The following NTRK3 variants were observed in gnomAD, a reference collection of about 807,000 sequenced individuals.
The protein encoded by NTRK3 is neurotrophic receptor tyrosine kinase 3.
A neutral mutation model predicts 91.7 loss-of-function variants in NTRK3; 24 were observed. That is an observed-to-expected ratio of 0.26 (90% CI 0.19 to 0.37). NTRK3 has a LOEUF of 0.37. Among genes scored for constraint, NTRK3 ranks in the 10% least tolerant of loss-of-function variants. The pLI is 1.00. For missense variants in NTRK3, 880 were observed against 1,068.9 expected, an observed-to-expected ratio of 0.82 and a Z score of 2.46; for synonymous variants, 483 against 404.0, an observed-to-expected ratio of 1.20 and a Z score of -2.34.
chr15:88,215,495 G>A (rs1005259075), intron 3 of NTRK3, among the ~76,000 whole-genome samples: 2 of 152,226 alleles, frequency 1.3e-5, no homozygotes, highest in African/African-American at 4.8e-5. Flanking sequence ...TGTGTCCTGC[G>A]ATGCCAGGAG....
intron 3 of NTRK3, among the ~76,000 whole-genome samples, chr15:88,218,158 G>A (rs867722076): frequency 5.3e-5 from 8 of 152,128 alleles, no homozygotes; most frequent in African/African-American, 1.9e-4. Context: ...GCCTGACTAC[G>A]TCCCTGGGCA....
intron 14 of NTRK3, among the ~76,000 whole-genome samples, chr15:87,994,453 A>C (rs1279229786): frequency 6.6e-6 from 1 of 152,222 alleles, no homozygotes; most frequent in African/African-American, 2.4e-5. Context: ...AGATCTGCAT[A>C]ATGTGTCTAC....
At chr15:87,865,997 CTG>C (rs2064665625) in exon 19 of NTRK3, 2 of 231,458 alleles carry the variant, frequency 8.6e-6, no homozygotes, top group Non-Finnish European at 1.7e-5. Flanking sequence ...CCCAGCAAGA[CTG>C]TATGCAACTG....
intron 3 of NTRK3, among the ~76,000 whole-genome samples, chr15:88,230,243 G>A (rs896778357): frequency 5.9e-5 from 9 of 152,352 alleles, no homozygotes; most frequent in Admixed American, 5.9e-4. Flanking sequence ...TCTTCCTATT[G>A]TTGTCAGTCA....
Position 88,038,014 on chromosome 15 carries a change from G to C in NTRK3, c.1397-4969C>G, listed in dbSNP as rs749969881. On this transcript the variant is annotated intron_variant, in intron 13 of 18. Coordinates refer to ENST00000394480, the Ensembl canonical transcript of NTRK3. Reference sequence around the variant, plus strand: ...AACCCTCCACCAGCACTGCCTCCCTGAAAGTGCAGACTGTGGGGGAAAGAA... The same window carrying C: ...AACCCTCCACCAGCACTGCCTCCCTCAAAGTGCAGACTGTGGGGGAAAGAA... 7.3e-4 allele frequency among the ~76,000 whole-genome samples: 111 copies of C among 152,206 alleles called. 1 individual carries two copies. Among genetic ancestry groups the C allele is most frequent in the Non-Finnish European group, 8.5e-4 (58 of 68,034 alleles).
chr15:88,105,596 G>C (rs905116665), intron 13 of NTRK3, among the ~76,000 whole-genome samples: 2 of 152,122 alleles, frequency 1.3e-5, no homozygotes, highest in African/African-American at 2.4e-5. Flanking sequence ...TTTACCAGCA[G>C]GGCTATATCT....
chr15:88,224,924 C>T (rs1338963443), intron 3 of NTRK3, among the ~76,000 whole-genome samples: 1 of 152,234 alleles, frequency 6.6e-6, no homozygotes, highest in Admixed American at 6.5e-5. Context: ...AGCAGGGTGT[C>T]ACTAGTGCAG....
intron 9 of NTRK3, 22 bp downstream of exon 9, chr15:88,135,877 C>T (rs1055560835): frequency 1.2e-6 from 2 of 1,613,630 alleles, no homozygotes. Context: ...CACAGCCATC[C>T]CCCACAATAA....
At chr15:88,250,515 C>T (rs1026861399) in intron 3 of NTRK3, among the ~76,000 whole-genome samples, 2 of 152,220 alleles carry the variant, frequency 1.3e-5, no homozygotes, top group Non-Finnish European at 1.5e-5. Flanking sequence ...ACTAGACCAT[C>T]GTTTCATAAG....
At chr15:88,191,724 C>T (rs2047412871) in intron 3 of NTRK3, among the ~76,000 whole-genome samples, 1 of 152,258 alleles carries the variant, frequency 6.6e-6, no homozygotes, top group South Asian at 2.1e-4. Context: ...ATCCAGACAG[C>T]AACATTAGCT....
At chr15:88,129,170 C>T (rs145084664) in intron 10 of NTRK3, among the ~76,000 whole-genome samples, 1 of 152,338 alleles carries the variant, frequency 6.6e-6, no homozygotes, top group African/African-American at 2.4e-5. Flanking sequence ...AAGTAATATG[C>T]AGAGTTGATT....
At chr15:88,142,184 T>A (rs554238436) in intron 6 of NTRK3, among the ~76,000 whole-genome samples, 9 of 152,278 alleles carry the variant, frequency 5.9e-5, no homozygotes, top group African/African-American at 2.2e-4. Flanking sequence ...CCATCCTGTG[T>A]CCCTCCTCCC....
chr15:88,212,419 T>C (rs1446652359), intron 3 of NTRK3, among the ~76,000 whole-genome samples: 1 of 152,194 alleles, frequency 6.6e-6, no homozygotes, highest in Admixed American at 6.5e-5. Flanking sequence ...TTCTTCAGCA[T>C]GTCTCTGAAT....
At chr15:88,159,691 C>T (rs752621094) in intron 5 of NTRK3, among the ~76,000 whole-genome samples, 5 of 152,050 alleles carry the variant, frequency 3.3e-5, no homozygotes, top group East Asian at 1.9e-4. Flanking sequence ...GTCAGGGAGC[C>T]GAGGGATGCC....
At chr15:88,132,528 G>A (rs2041461437) in intron 10 of NTRK3, among the ~76,000 whole-genome samples, 1 of 152,184 alleles carries the variant, frequency 6.6e-6, no homozygotes, top group Non-Finnish European at 1.5e-5. Context: ...CTGCACCTAA[G>A]TCTGTCTGAT....
chr15:88,248,214 T>A (rs1437209376), intron 3 of NTRK3, among the ~76,000 whole-genome samples: 2 of 152,130 alleles, frequency 1.3e-5, no homozygotes, highest in East Asian at 3.9e-4. Context: ...CAGGACATCA[T>A]GGGGTGGATG....
At chr15:87,957,880 G>A (rs190999913) in intron 14 of NTRK3, among the ~76,000 whole-genome samples, 137 of 152,242 alleles carry the variant, frequency 9.0e-4, no homozygotes, top group Non-Finnish European at 1.6e-3. Flanking sequence ...GCTCAACCTG[G>A]GAAAGGAAAG....
intron 3 of NTRK3, among the ~76,000 whole-genome samples, chr15:88,246,878 G>GA (rs2052878375): frequency 6.6e-6 from 1 of 152,180 alleles, no homozygotes; most frequent in African/African-American, 2.4e-5. Flanking sequence ...CCCTGGCTCA[G>GA]GAAATGCTCT....
intron 5 of NTRK3, among the ~76,000 whole-genome samples, chr15:88,174,689 C>T (rs1284178833): frequency 6.6e-6 from 1 of 152,236 alleles, no homozygotes; most frequent in South Asian, 2.1e-4. Context: ...AAGCTGCAGC[C>T]CTGTGCCATA....
Sources: allele counts gnomAD v4.1 joint callset (sites outside exome capture counted in the v4.1 genomes callset), GRCh38; gene constraint gnomAD v4.1.1; transcripts MANE v1.5; gene names NCBI Gene and HGNC (gene_info 2026-07-23, HGNC 2026-07-21).